Variants in MCPH1 observed in about 807,000 individuals in gnomAD.
MCPH1 encodes microcephalin 1.
In MCPH1, 104 loss-of-function variants were observed where a neutral mutation model predicts 84.5. The observed-to-expected ratio is 1.23, with a 90% CI of 1.05 to 1.45. MCPH1 has a LOEUF of 1.45. Among genes scored for constraint, MCPH1 ranks in the 40% most tolerant of loss-of-function variants. MCPH1 has a pLI of 0.00. For missense variants in MCPH1, 1,498 were observed against 1,005.7 expected, an observed-to-expected ratio of 1.49 and a Z score of -6.62; for synonymous variants, 514 against 366.8, an observed-to-expected ratio of 1.40 and a Z score of -4.58.
intron 12 of MCPH1, among the ~76,000 whole-genome samples, chr8:6,539,479 C>A (rs1821131160): frequency 6.6e-6 from 1 of 152,184 alleles, no homozygotes; most frequent in Non-Finnish European, 1.5e-5. Flanking sequence ...GCACACTTGC[C>A]TTCACCTGCC....
intron 12 of MCPH1, among the ~76,000 whole-genome samples, chr8:6,605,083 C>T (rs897055398): frequency 2.0e-5 from 3 of 152,206 alleles, no homozygotes; most frequent in African/African-American, 4.8e-5. Context: ...TGACCTCTCC[C>T]TGTGAGTCTC....
intron 12 of MCPH1, among the ~76,000 whole-genome samples, chr8:6,521,624 A>T (rs1486876489): frequency 6.6e-6 from 1 of 152,228 alleles, no homozygotes; most frequent in African/African-American, 2.4e-5. Flanking sequence ...GCATATATGT[A>T]TGTACATGCA....
At chr8:6,513,697 T>G in intron 12 of MCPH1, 3 of 1,611,626 alleles carry the variant, frequency 1.9e-6, no homozygotes, top group Non-Finnish European at 2.5e-6. Flanking sequence ...AGTTCTTCAC[T>G]TGAGAGATAG....
intron 12 of MCPH1, among the ~76,000 whole-genome samples, chr8:6,541,556 G>A (rs192254714): frequency 1.2e-3 from 189 of 152,314 alleles, no homozygotes; most frequent in Middle Eastern, 3.4e-3. Context: ...GGAGACGCTC[G>A]GCAGGTCCTT....
intron 12 of MCPH1, among the ~76,000 whole-genome samples, chr8:6,596,471 G>C (rs1017679859): frequency 6.6e-6 from 1 of 152,190 alleles, no homozygotes; most frequent in African/African-American, 2.4e-5. Flanking sequence ...TCTAACGTAG[G>C]TATCTTATAA....
At chr8:6,560,355 C>A (rs921291) in intron 12 of MCPH1, among the ~76,000 whole-genome samples, 39,526 of 152,090 alleles carry the variant, frequency 0.26, 6,895 homozygotes, top group African/African-American at 0.5. Context: ...TGGCTTATCT[C>A]TCATTCCATT....
Position 6,643,249 on chromosome 8 carries a change from G to C in MCPH1, c.*200G>C, listed in dbSNP as rs757978211. ...GAATGTCTGTTTCAGAGACGCTTCG[G>C]GCCTTTTTATTTTTATTTTATTTTT... is the stretch of plus-strand genomic sequence containing the variant. On this transcript the variant is annotated 3_prime_UTR_variant, in exon 14 of 14. Transcript: ENST00000344683. 3 of 612,096 alleles carry C rather than the reference G, an allele frequency of 4.9e-6. No individual in the cohort carries two copies. The highest frequency in any genetic ancestry group is 8.6e-6 in the Non-Finnish European group (3 of 347,058). 37.9% of individuals were successfully genotyped at this position (612,096 alleles called of 1,614,324 possible).
intron 12 of MCPH1, among the ~76,000 whole-genome samples, chr8:6,572,300 T>G (rs927561620): frequency 1.3e-5 from 2 of 152,222 alleles, no homozygotes; most frequent in Non-Finnish European, 2.9e-5. Flanking sequence ...TTAAATCACC[T>G]TTTTCATTTA....
In MCPH1 at chr8:6,414,847, G is replaced by A. The variant is rs1799034965; in HGVS notation, c.197G>A (p.Arg66Lys). 6.2e-7 allele frequency: 1 copy of A among 1,613,718 alleles called. No homozygotes were observed. Among genetic ancestry groups the A allele is most frequent in the Non-Finnish European group, 8.5e-7 (1 of 1,179,914 alleles). Reference protein sequence around the residue: ...YQSTWDKAQKRGVKLVSVLWV... With the variant: ...YQSTWDKAQKKGVKLVSVLWV... ...AGCACTTGGGACAAAGCTCAGAAGA[G>A]AGGCGTAAAGCTCGTTTCGGTGCTC... is the stretch of plus-strand genomic sequence containing the variant. The change falls in exon 3 of 14, where the codon AGA becomes AAA. Residue 66 changes from arginine to lysine, a missense_variant. Transcript: ENST00000344683.
chr8:6,480,587 C>G (rs533551472), intron 10 of MCPH1, 127 bp from the exon 11 acceptor site: 11 of 971,250 alleles, frequency 1.1e-5, no homozygotes, highest in Non-Finnish European at 1.7e-5. Flanking sequence ...GATATACGTA[C>G]CATAACCAAA....
At chr8:6,626,894 C>T (rs912743245) in intron 13 of MCPH1, 15 of 984,704 alleles carry the variant, frequency 1.5e-5, no homozygotes, top group South Asian at 9.4e-5. Context: ...CACTCTCAGG[C>T]GCCCTTTTAT....
intron 12 of MCPH1, among the ~76,000 whole-genome samples, chr8:6,547,785 G>A (rs953302602): frequency 5.9e-5 from 9 of 152,154 alleles, no homozygotes; most frequent in African/African-American, 2.2e-4. Flanking sequence ...CCATGCCGGT[G>A]GGAATGCGGG....
chr8:6,585,602 A>G lies in MCPH1; in HGVS notation c.2215-35852A>G, dbSNP rs561128139. Among the ~76,000 whole-genome samples, 116 of 152,268 alleles carry G rather than the reference A, an allele frequency of 7.6e-4. 1 individual carries two copies. Among genetic ancestry groups the G allele is most frequent in the African/African-American group, 2.6e-3 (110 of 41,554 alleles). On this transcript the variant is annotated intron_variant, in intron 12 of 13. Coordinates refer to ENST00000344683, the MANE Select transcript of MCPH1 (RefSeq NM_024596.5). ...GAATACTGTATTTGTTTTTCCCTCT[A>G]CTGAAATTTATTTGTGACATCAGGC...
chr8:6,528,955 G>T (rs1190731994), intron 12 of MCPH1, among the ~76,000 whole-genome samples: 1 of 152,216 alleles, frequency 6.6e-6, no homozygotes, highest in East Asian at 1.9e-4. Context: ...TTAACACCTG[G>T]AATATACATT....
At position 6,643,374 on chromosome 8, in the gene MCPH1, G is replaced by C. The variant is rs964468352; in HGVS notation, c.*325G>C. 5.6e-5 allele frequency: 20 copies of C among 354,836 alleles called. No individual in the cohort carries two copies. Among genetic ancestry groups the C allele is most frequent in the African/African-American group, 4.0e-4 (19 of 47,330 alleles). The allele number at this position is 354,836 out of a possible 1,614,324, so 22.0% of individuals were successfully genotyped here. ...CCACCTCCCAGGTTCAAGCGATTCTGCTGCCTCAGCCTCCTGAGTAGCTGG... is the reference window on the plus strand; with the variant it reads ...CCACCTCCCAGGTTCAAGCGATTCTCCTGCCTCAGCCTCCTGAGTAGCTGG... On this transcript the variant is annotated 3_prime_UTR_variant, in exon 14 of 14. Transcript: ENST00000344683.
intron 12 of MCPH1, among the ~76,000 whole-genome samples, chr8:6,524,938 C>G (rs1399283314): frequency 1.3e-5 from 2 of 152,216 alleles, no homozygotes; most frequent in South Asian, 4.1e-4. Flanking sequence ...CTTCCTGTGT[C>G]ACAAGGGCAG....
At chr8:6,542,294 GT>G (rs1271169986) in intron 12 of MCPH1, among the ~76,000 whole-genome samples, 3 of 138,714 alleles carry the variant, frequency 2.2e-5, no homozygotes, top group African/African-American at 9.4e-5. Flanking sequence ...AGGTAGGGGT[GT>G]GTGTGTGTGT....
At chr8:6,429,905 C>T (rs1288651973) in intron 3 of MCPH1, among the ~76,000 whole-genome samples, 1 of 152,182 alleles carries the variant, frequency 6.6e-6, no homozygotes, top group Non-Finnish European at 1.5e-5. Context: ...AGGGTCCAAG[C>T]TCATTAGCTT....
chr8:6,509,720 A>G (rs1241164800), intron 12 of MCPH1, among the ~76,000 whole-genome samples: 1 of 152,182 alleles, frequency 6.6e-6, no homozygotes, highest in Non-Finnish European at 1.5e-5. Context: ...TCTGTTGAAA[A>G]TGTTGTATAT....
Sources: gnomAD v4.1 joint callset for allele counts (sites outside exome capture counted in the v4.1 genomes callset) on GRCh38, gnomAD v4.1.1 for gene constraint, MANE v1.5 for transcripts, NCBI Gene and HGNC (gene_info 2026-07-23, HGNC 2026-07-21) for gene names.